CDKAL1: variants seen among roughly 807,000 people sequenced by gnomAD.
The protein encoded by CDKAL1 is threonylcarbamoyladenosine tRNA methylthiotransferase.
In CDKAL1, 32 loss-of-function variants were observed where a neutral mutation model predicts 68.2. The observed-to-expected ratio is 0.47, with a 90% CI of 0.35 to 0.63. The LOEUF is 0.63. CDKAL1 is among the 30% of genes least tolerant of loss of function. CDKAL1 has a pLI of 0.00. For synonymous variants in CDKAL1, 234 were observed against 244.3 expected, an observed-to-expected ratio of 0.96 and a Z score of 0.39; for missense variants, 606 against 696.7, an observed-to-expected ratio of 0.87 and a Z score of 1.47.
At chr6:21,101,269 C>G (rs971706420) in intron 12 of CDKAL1, among the ~76,000 whole-genome samples, 1 of 152,192 alleles carries the variant, frequency 6.6e-6, no homozygotes, top group African/African-American at 2.4e-5. Flanking sequence ...TGTTTCTCAT[C>G]TTTGGCCACA....
At chr6:20,586,976 G>GTGTT in intron 4 of CDKAL1, among the ~76,000 whole-genome samples, 2 of 91,978 alleles carry the variant, frequency 2.2e-5, no homozygotes, top group Non-Finnish European at 2.1e-5. Context: ...CTTCCTCCAG[G>GTGTT]TGTTTTTTTT....
At chr6:21,028,829 A>G (rs1358254033) in intron 11 of CDKAL1, among the ~76,000 whole-genome samples, 1 of 152,158 alleles carries the variant, frequency 6.6e-6, no homozygotes, top group Admixed American at 6.6e-5. Flanking sequence ...TATAACCTGA[A>G]TGTTCAATTG....
intron 4 of CDKAL1, among the ~76,000 whole-genome samples, chr6:20,553,259 C>T (rs1459691072): frequency 6.6e-6 from 1 of 152,118 alleles, no homozygotes; most frequent in Non-Finnish European, 1.5e-5. Flanking sequence ...CCCGTAATCC[C>T]AGCACTTAGG....
intron 12 of CDKAL1, among the ~76,000 whole-genome samples, chr6:21,090,999 A>G (rs575188600): frequency 2.0e-5 from 3 of 151,984 alleles, no homozygotes; most frequent in African/African-American, 7.2e-5. Context: ...GTCTTACACT[A>G]TTGCCCCAGC....
chr6:21,125,598 G>T (rs1439502319), intron 13 of CDKAL1, among the ~76,000 whole-genome samples: 1 of 152,168 alleles, frequency 6.6e-6, no homozygotes. Flanking sequence ...CTTGAACCCG[G>T]CGGGGGTGGG....
intron 8 of CDKAL1, among the ~76,000 whole-genome samples, chr6:20,809,867 ATATTTT>A (rs1776721936): frequency 6.6e-6 from 1 of 152,198 alleles, no homozygotes; most frequent in South Asian, 2.1e-4. Context: ...CTTCCTTAAG[ATATTTT>A]TACTTTTAAG....
chr6:21,052,301 C>T (rs772598086), intron 11 of CDKAL1, among the ~76,000 whole-genome samples: 4 of 151,992 alleles, frequency 2.6e-5, no homozygotes, highest in Non-Finnish European at 5.9e-5. Context: ...ATGCTCTGAA[C>T]GTAATTCCTT....
chr6:20,548,288 C>T (rs549193578), intron 3 of CDKAL1, among the ~76,000 whole-genome samples: 69 of 152,194 alleles, frequency 4.5e-4, no homozygotes, highest in African/African-American at 1.5e-3. Context: ...AATTCCAGCA[C>T]TTTGGGAGAC....
At chr6:21,101,101 G>T (rs578163793) in intron 12 of CDKAL1, among the ~76,000 whole-genome samples, 83 of 152,276 alleles carry the variant, frequency 5.5e-4, no homozygotes, top group African/African-American at 1.9e-3. Context: ...GAAAGGAAGA[G>T]GTCAAGAAAT....
intron 13 of CDKAL1, among the ~76,000 whole-genome samples, chr6:21,151,317 C>G (rs922854591): frequency 6.6e-6 from 1 of 152,200 alleles, no homozygotes; most frequent in Non-Finnish European, 1.5e-5. Context: ...CCTCTCCGAC[C>G]CAGCCTCAGC....
chr6:21,021,973 T>G (rs1005785612), intron 11 of CDKAL1, among the ~76,000 whole-genome samples: 2 of 152,226 alleles, frequency 1.3e-5, no homozygotes, highest in African/African-American at 4.8e-5. Flanking sequence ...AATTTACCTT[T>G]GGCTGGGGTA....
intron 13 of CDKAL1, among the ~76,000 whole-genome samples, chr6:21,115,845 T>C (rs1774378468): frequency 1.3e-5 from 2 of 152,220 alleles, no homozygotes; most frequent in Non-Finnish European, 2.9e-5. Flanking sequence ...AAGAGCTCTT[T>C]CGGTGCAAAA....
At chr6:20,771,688 A>G (rs911996726) in intron 7 of CDKAL1, among the ~76,000 whole-genome samples, 2 of 152,162 alleles carry the variant, frequency 1.3e-5, no homozygotes, top group Non-Finnish European at 1.5e-5. Flanking sequence ...CGGTTCCCTC[A>G]TGAATGGCTT....
chr6:20,914,027 C>T (rs762009344), intron 9 of CDKAL1, among the ~76,000 whole-genome samples: 38 of 152,068 alleles, frequency 2.5e-4, no homozygotes, highest in African/African-American at 7.5e-4. Context: ...TGGTGGCTCA[C>T]GCCTGTGATC....
At chr6:20,784,711 C>A (rs1443605209) in intron 8 of CDKAL1, among the ~76,000 whole-genome samples, 2 of 152,038 alleles carry the variant, frequency 1.3e-5, no homozygotes, top group East Asian at 3.9e-4. Context: ...GCATGAGCCA[C>A]TGCACCTGGC....
At chr6:20,687,797 A>G (rs1770692724) in intron 5 of CDKAL1, among the ~76,000 whole-genome samples, 1 of 152,102 alleles carries the variant, frequency 6.6e-6, no homozygotes, top group Non-Finnish European at 1.5e-5. Flanking sequence ...TAGTGCTAGG[A>G]TTATAGGCAT....
chr6:20,846,590 T>C (rs1778384214), intron 9 of CDKAL1, among the ~76,000 whole-genome samples: 1 of 152,210 alleles, frequency 6.6e-6, no homozygotes, highest in African/African-American at 2.4e-5. Flanking sequence ...TTAGGGTTTG[T>C]AGACGTCTTT....
intron 9 of CDKAL1, among the ~76,000 whole-genome samples, chr6:20,939,809 A>G (rs1763887809): frequency 6.6e-6 from 1 of 152,202 alleles, no homozygotes; most frequent in African/African-American, 2.4e-5. Context: ...GAAAAGTTGT[A>G]TAGATCACAC....
chr6:20,647,654 A>T (rs752867812), intron 4 of CDKAL1, among the ~76,000 whole-genome samples: 2 of 152,212 alleles, frequency 1.3e-5, no homozygotes, highest in Admixed American at 1.3e-4. Context: ...GATTGATAGT[A>T]GAGGAATATC....
Sources: allele counts gnomAD v4.1 joint callset (sites outside exome capture counted in the v4.1 genomes callset), GRCh38; gene constraint gnomAD v4.1.1; transcripts MANE v1.5; gene names NCBI Gene and HGNC (gene_info 2026-07-23, HGNC 2026-07-21).